AGMO: variants seen among roughly 807,000 people sequenced by gnomAD.
AGMO encodes the protein alkylglycerol monooxygenase.
Under a neutral mutation model 60.2 loss-of-function variants are expected in AGMO, and 75 were observed. That is an observed-to-expected ratio of 1.25 (90% CI 1.03 to 1.51). AGMO has a LOEUF of 1.51. AGMO is among the 40% of genes most tolerant of loss of function. AGMO has a pLI of 0.00. For synonymous variants in AGMO, 261 were observed against 177.1 expected (o/e 1.47, Z -3.76); for missense variants, 763 against 525.5 (o/e 1.45, Z -4.42).
At chr7:15,294,665 T>G (rs533158241) in intron 12 of AGMO, among the ~76,000 whole-genome samples, 1 of 152,048 alleles carries the variant, frequency 6.6e-6, no homozygotes, top group Non-Finnish European at 1.5e-5. Context: ...TTAAAGGTGT[T>G]AAGTGTTTAC....
At chr7:15,229,136 C>A (rs1414337254) in intron 12 of AGMO, among the ~76,000 whole-genome samples, 1 of 152,198 alleles carries the variant, frequency 6.6e-6, no homozygotes, top group South Asian at 2.1e-4. Flanking sequence ...CAGAAAACAT[C>A]TGGGTCCCAT....
intron 5 of AGMO, among the ~76,000 whole-genome samples, chr7:15,399,898 C>G (rs1417226880): frequency 1.3e-5 from 2 of 152,166 alleles, no homozygotes; most frequent in Admixed American, 6.5e-5. Context: ...TCTTTCTTCT[C>G]CGTCTAAGAC....
intron 12 of AGMO, among the ~76,000 whole-genome samples, chr7:15,278,990 C>G (rs745463658): frequency 2.0e-5 from 3 of 152,112 alleles, no homozygotes; most frequent in Non-Finnish European, 4.4e-5. Flanking sequence ...TGGTAGTTGT[C>G]TTTGAGTCAC....
intron 5 of AGMO, among the ~76,000 whole-genome samples, chr7:15,400,565 G>A (rs1324221869): frequency 6.6e-6 from 1 of 152,106 alleles, no homozygotes; most frequent in Admixed American, 6.5e-5. Flanking sequence ...GAGGAATGTC[G>A]TAGGGAGTGA....
chr7:15,235,165 G>C (rs1782378444), intron 12 of AGMO, among the ~76,000 whole-genome samples: 1 of 151,994 alleles, frequency 6.6e-6, no homozygotes, highest in Admixed American at 6.6e-5. Context: ...CCTTTGAGTT[G>C]TGTTTTATCC....
chr7:15,357,502 A>C (rs1782582970), intron 12 of AGMO, among the ~76,000 whole-genome samples: 1 of 152,148 alleles, frequency 6.6e-6, no homozygotes, highest in Non-Finnish European at 1.5e-5. Flanking sequence ...CTGCTCTTCA[A>C]ATCAAAAGAG....
intron 3 of AGMO, among the ~76,000 whole-genome samples, chr7:15,508,382 T>C (rs1783578885): frequency 6.6e-6 from 1 of 152,168 alleles, no homozygotes; most frequent in African/African-American, 2.4e-5. Flanking sequence ...GTAAAGTAAC[T>C]GATTCTTTAG....
chr7:15,429,756 A>C (rs901300006), intron 4 of AGMO, among the ~76,000 whole-genome samples: 2 of 152,018 alleles, frequency 1.3e-5, no homozygotes, highest in South Asian at 4.1e-4. Flanking sequence ...GTTAGCACAC[A>C]TGCCAGTGTA....
At chr7:15,513,296 A>AGTACATT (rs1308356596) in intron 3 of AGMO, among the ~76,000 whole-genome samples, 4 of 31,276 alleles carry the variant, frequency 1.3e-4, no homozygotes, top group South Asian at 7.3e-4. Context: ...ACAACTTTAA[A>AGTACATT]CCACAAAATG....
intron 10 of AGMO, among the ~76,000 whole-genome samples, chr7:15,381,627 GAC>G (rs1245414823): frequency 1.3e-5 from 2 of 151,952 alleles, no homozygotes; most frequent in Non-Finnish European, 2.9e-5. Flanking sequence ...ATTCCTCAAA[GAC>G]AAAGACAGGA....
the AGMO span, among the ~76,000 whole-genome samples, chr7:15,157,438 C>T: frequency 3.9e-5 from 6 of 152,278 alleles, no homozygotes; most frequent in Non-Finnish European, 7.4e-5. Context: ...GCATTTTGTA[C>T]GTGTCAACTT....
rs150837571 is a variant in AGMO, at chr7:15,330,271, C to A, written c.1263+35243G>T. On this transcript the variant is annotated intron_variant, in intron 12 of 12. Transcript: ENST00000342526. ...CCTAGACTCATAATTTAATTGTACA[C>A]CCCTTCCTTGAAATCATTGATAAAC... 4.1e-3 allele frequency among the ~76,000 whole-genome samples: 623 copies of A among 152,160 alleles called. 1 individual carries two copies. The highest frequency in any genetic ancestry group is 0.013 in the African/African-American group (552 of 41,494).
At chr7:15,294,070 T>G (rs938864363) in intron 12 of AGMO, among the ~76,000 whole-genome samples, 1 of 152,158 alleles carries the variant, frequency 6.6e-6, no homozygotes, top group African/African-American at 2.4e-5. Flanking sequence ...AATAATTAAA[T>G]TTTTGAAGTT....
chr7:15,507,169 AC>A (rs1250521758), intron 3 of AGMO, among the ~76,000 whole-genome samples: 3 of 152,074 alleles, frequency 2.0e-5, no homozygotes, highest in Admixed American at 6.6e-5. Flanking sequence ...AAAGTCAAGG[AC>A]AAAGTGCTAT....
intron 12 of AGMO, among the ~76,000 whole-genome samples, chr7:15,218,696 T>G (rs944639935): frequency 2.4e-4 from 37 of 152,190 alleles, no homozygotes; most frequent in African/African-American, 8.4e-4. Flanking sequence ...CTGTGAATGG[T>G]CAGGAAAGCT....
At chr7:15,241,467 A>C (rs1380065876) in intron 12 of AGMO, among the ~76,000 whole-genome samples, 5 of 113,636 alleles carry the variant, frequency 4.4e-5, no homozygotes, top group African/African-American at 1.5e-4. Context: ...CTCAAAAAAA[A>C]AAAAAAAAAA....
At chr7:15,248,670 C>A (rs1205093015) in intron 12 of AGMO, among the ~76,000 whole-genome samples, 1 of 152,108 alleles carries the variant, frequency 6.6e-6, no homozygotes, top group Non-Finnish European at 1.5e-5. Flanking sequence ...ACACAAGACA[C>A]ATATTGTCCC....
chr7:15,292,924 A>T (rs1784314348), intron 12 of AGMO, among the ~76,000 whole-genome samples: 1 of 147,932 alleles, frequency 6.8e-6, no homozygotes, highest in African/African-American at 2.5e-5. Flanking sequence ...AATCCAGCTA[A>T]TTTTTTTTTT....
chr7:15,356,860 C>A (rs184852973), intron 12 of AGMO, among the ~76,000 whole-genome samples: 2 of 150,666 alleles, frequency 1.3e-5, no homozygotes, highest in African/African-American at 4.9e-5. Flanking sequence ...GTAATCCCAG[C>A]ACTTTGGGAG....
Sources: allele counts gnomAD v4.1 joint callset (sites outside exome capture counted in the v4.1 genomes callset), GRCh38; gene constraint gnomAD v4.1.1; transcripts MANE v1.5; gene names NCBI Gene and HGNC (gene_info 2026-07-23, HGNC 2026-07-21).